The following RAP1GAP2 variants were observed in gnomAD, a reference collection of about 807,000 sequenced individuals.
RAP1GAP2 encodes rap1 GTPase-activating protein 2.
Under a neutral mutation model 95.0 loss-of-function variants are expected in RAP1GAP2, and 27 were observed. The ratio of observed to expected loss-of-function variants is 0.28; its 90% CI spans 0.21 to 0.39. The LOEUF (loss-of-function observed/expected upper bound fraction) is 0.39, where lower values mean the gene tolerates loss of function less well. RAP1GAP2 is among the 10% of genes least tolerant of loss of function. RAP1GAP2 has a pLI of 1.00. For synonymous variants in RAP1GAP2, 373 were observed against 380.9 expected (o/e 0.98, Z 0.24); for missense variants, 771 against 970.0 (o/e 0.79, Z 2.72).
At chr17:2,823,618 G>A (rs987992245) in intron 2 of RAP1GAP2, among the ~76,000 whole-genome samples, 2 of 152,090 alleles carry the variant, frequency 1.3e-5, no homozygotes, top group African/African-American at 4.8e-5. Flanking sequence ...GCTCCTCTCC[G>A]GCTGGGCCGT....
At chr17:2,995,759 T>C (rs77999410) in intron 13 of RAP1GAP2, among the ~76,000 whole-genome samples, 2 of 152,200 alleles carry the variant, frequency 1.3e-5, no homozygotes, top group Admixed American at 6.5e-5. Flanking sequence ...CTGCAGCCCA[T>C]GGTGGTGACA....
At position 3,019,674 on chromosome 17, in the gene RAP1GAP2, T is replaced by A. The variant is rs7218415; in HGVS notation, c.1633-803T>A. 4.6e-5 allele frequency among the ~76,000 whole-genome samples: 7 copies of A among 152,052 alleles called. No individual in the cohort carries two copies. In the East Asian group the frequency reaches 9.6e-4, roughly 21 times the overall value. ...TTAATTGACTAAATATTTTCCTAGC[T>A]ATTATCTTGCTTCCCCCTGAAGGTG... On this transcript the variant is annotated intron_variant, in intron 18 of 24. Coordinates refer to ENST00000254695, the MANE Select transcript of RAP1GAP2 (RefSeq NM_015085.5).
chr17:2,967,170 C>T lies in RAP1GAP2; in HGVS notation c.596+1527C>T, dbSNP rs547132039. On this transcript the variant is annotated intron_variant, in intron 8 of 24. Coordinates refer to ENST00000254695, the MANE Select transcript of RAP1GAP2 (RefSeq NM_015085.5). Reference sequence around the variant, plus strand: ...GATCACGAGGTCAGGAGATCGAGACCATCCTGGCTAACACGGTGAAACCCC... The same window carrying T: ...GATCACGAGGTCAGGAGATCGAGACTATCCTGGCTAACACGGTGAAACCCC... Among the ~76,000 whole-genome samples the T allele has an allele frequency of 1.6e-4, 25 of 152,162 alleles. No homozygotes were observed. The East Asian group carries it at 4.6e-3, about 28-fold the overall frequency.
intron 3 of RAP1GAP2, among the ~76,000 whole-genome samples, chr17:2,920,882 G>A (rs924433242): frequency 2.6e-4 from 39 of 152,054 alleles, no homozygotes; most frequent in African/African-American, 8.7e-4. Flanking sequence ...ACCCCCATCC[G>A]CTACCCTCTT....
chr17:2,828,984 CTTT>C (rs58160165), intron 2 of RAP1GAP2, among the ~76,000 whole-genome samples: 3 of 80,822 alleles, frequency 3.7e-5, no homozygotes, highest in South Asian at 5.0e-4. Flanking sequence ...TAATTACTTG[CTTT>C]TTTTTTTTTT....
intron 2 of RAP1GAP2, among the ~76,000 whole-genome samples, chr17:2,873,352 G>A (rs2072932046): frequency 6.7e-6 from 1 of 149,148 alleles, no homozygotes; most frequent in South Asian, 2.1e-4. Context: ...GGGCATGCCT[G>A]TGGTTCCAGC....
chr17:2,886,823 C>T (rs146182708), intron 2 of RAP1GAP2, among the ~76,000 whole-genome samples: 184 of 152,228 alleles, frequency 1.2e-3, no homozygotes, highest in Non-Finnish European at 2.0e-3. Flanking sequence ...AGCAGCAGTG[C>T]AACAGGCAAG....
Position 2,857,650 on chromosome 17 carries a change from C to T in RAP1GAP2, c.81-47634C>T, listed in dbSNP as rs1441130885. ...TTTGAGTATGGCTCCCAGGAGACAC[C>T]TGGATGAAGCCTTCCTCAGAGACTG... On this transcript the variant is annotated intron_variant, in intron 2 of 24. Coordinates refer to ENST00000254695, the MANE Select transcript of RAP1GAP2 (RefSeq NM_015085.5). This position sits in a 1 kb window ranked among gnomAD's most constrained non-coding sequence, Gnocchi z 4.0. 1.3e-5 allele frequency among the ~76,000 whole-genome samples: 2 copies of T among 152,192 alleles called. No homozygotes were observed. Among genetic ancestry groups the T allele is most frequent in the African/African-American group, 4.8e-5 (2 of 41,436 alleles).
chr17:2,776,411 A>G (rs972003629), upstream of RAP1GAP2, among the ~76,000 whole-genome samples: 1 of 151,552 alleles, frequency 6.6e-6, no homozygotes, highest in Non-Finnish European at 1.5e-5. Flanking sequence ...CCTGGCGGGC[A>G]GGCTGCTCCT....
chr17:2,863,356 C>T (rs1373268282), intron 2 of RAP1GAP2, among the ~76,000 whole-genome samples: 1 of 152,174 alleles, frequency 6.6e-6, no homozygotes, highest in African/African-American at 2.4e-5. Context: ...CACTGTATTT[C>T]ATGAAGGCTG....
At chr17:2,943,051 G>A (rs530131750) in intron 3 of RAP1GAP2, among the ~76,000 whole-genome samples, 4 of 152,142 alleles carry the variant, frequency 2.6e-5, no homozygotes, top group South Asian at 4.2e-4. Flanking sequence ...TTACAGGTGT[G>A]AACCACCACA....
rs1438618535 is a variant in RAP1GAP2, at chr17:3,004,106, C to A, written c.1201-1263C>A. Among the ~76,000 whole-genome samples, 1 of 152,220 alleles carries A rather than the reference C, an allele frequency of 6.6e-6. No individual in the cohort carries two copies. Among genetic ancestry groups the A allele is most frequent in the Non-Finnish European group, 1.5e-5 (1 of 68,028 alleles). ...TCTCCCCATAGCCTTCCCACACCCC[C>A]ACCCCTGATTCTGGCTCTGTGACTG... On this transcript the variant is annotated intron_variant, in intron 14 of 24. Transcript: ENST00000254695. The surrounding 1 kb of genome is among the most constrained non-coding windows in gnomAD (Gnocchi z 4.1).
At chr17:2,905,170 A>G (rs1597571142) in intron 2 of RAP1GAP2, 114 bp from the exon 3 acceptor site, 2 of 976,878 alleles carry the variant, frequency 2.0e-6, no homozygotes, top group Non-Finnish European at 3.0e-6. Context: ...GGCGTGAGCC[A>G]CCCAACCCAG....
Position 2,867,399 on chromosome 17 carries a change from T to G in RAP1GAP2, c.81-37885T>G, listed in dbSNP as rs368534105. Among the ~76,000 whole-genome samples, 127 of 152,338 alleles carry G rather than the reference T, an allele frequency of 8.3e-4. 1 individual carries two copies. The highest frequency in any genetic ancestry group is 2.9e-3 in the African/African-American group (122 of 41,578). ...TGGTTCTTTCACCCCGTCTCTAGGC[T>G]GTGCCTTCCTTTGGGTTGCCTTCGT... On this transcript the variant is annotated intron_variant, in intron 2 of 24. Transcript: ENST00000254695. The surrounding 1 kb of genome is among the most constrained non-coding windows in gnomAD (Gnocchi z 4.5).
At chr17:2,864,011 C>T (rs1347786862) in intron 2 of RAP1GAP2, among the ~76,000 whole-genome samples, 2 of 151,926 alleles carry the variant, frequency 1.3e-5, no homozygotes, top group Non-Finnish European at 2.9e-5. Context: ...GAGATCGCGC[C>T]ACTGCACTCC....
At chr17:2,769,641 G>A (rs761979839) in intron 1 of RAP1GAP2, among the ~76,000 whole-genome samples, 2 of 152,158 alleles carry the variant, frequency 1.3e-5, no homozygotes, top group African/African-American at 4.8e-5. Context: ...TCTTAGCCCT[G>A]TAAAGGGGCT....
intron 1 of RAP1GAP2, among the ~76,000 whole-genome samples, chr17:2,785,166 G>T (rs1385631556): frequency 2.0e-5 from 3 of 152,200 alleles, no homozygotes; most frequent in African/African-American, 7.2e-5. Context: ...GAATCTGGGG[G>T]TTTGCACGAG....
chr17:2,854,850 C>CT (rs2072065282), intron 2 of RAP1GAP2, among the ~76,000 whole-genome samples: 1 of 152,140 alleles, frequency 6.6e-6, no homozygotes, highest in Admixed American at 6.5e-5. Context: ...CCCTGTTCTG[C>CT]TAGGGTGCAT....
intron 8 of RAP1GAP2, among the ~76,000 whole-genome samples, chr17:2,966,505 A>G (rs557955878): frequency 6.6e-6 from 1 of 152,210 alleles, no homozygotes; most frequent in African/African-American, 2.4e-5. Flanking sequence ...GAAAAGAGCA[A>G]TCACATTTTT....
Sources: allele counts gnomAD v4.1 joint callset (sites outside exome capture counted in the v4.1 genomes callset), GRCh38; gene constraint gnomAD v4.1.1; non-coding constraint Gnocchi (gnomAD v3.1); transcripts MANE v1.5; gene names NCBI Gene and HGNC (gene_info 2026-07-23, HGNC 2026-07-21).